The following FSHR variants were observed in gnomAD, a reference collection of about 807,000 sequenced individuals.
FSHR encodes the protein follicle-stimulating hormone receptor.
Under a neutral mutation model 52.1 loss-of-function variants are expected in FSHR, and 46 were observed. That is an observed-to-expected ratio of 0.88 (90% CI 0.70 to 1.13). FSHR has a LOEUF of 1.13. Among genes scored for constraint, FSHR ranks in the 50% most tolerant of loss-of-function variants. The pLI, the probability that FSHR is intolerant of heterozygous loss-of-function variation, is 0.00. For missense variants in FSHR, 964 were observed against 834.6 expected, an observed-to-expected ratio of 1.16 and a Z score of -1.91; for synonymous variants, 399 against 309.6, an observed-to-expected ratio of 1.29 and a Z score of -3.03.
chr2:48,987,501 C>G (rs1443609219), intron 6 of FSHR, among the ~76,000 whole-genome samples: 1 of 152,074 alleles, frequency 6.6e-6, no homozygotes, highest in African/African-American at 2.4e-5. Flanking sequence ...TGAGCCACCA[C>G]GCCCACCTGA....
chr2:49,143,574 T>G (rs1362010538), intron 1 of FSHR, among the ~76,000 whole-genome samples: 1 of 152,138 alleles, frequency 6.6e-6, no homozygotes. Context: ...AAACAACTAT[T>G]TGTTTCCTCC....
intron 1 of FSHR, among the ~76,000 whole-genome samples, chr2:49,142,014 T>A (rs1256910431): frequency 1.3e-5 from 2 of 152,232 alleles, no homozygotes; most frequent in Non-Finnish European, 2.9e-5. Flanking sequence ...ATAGGTGGCA[T>A]GCAGCATAGT....
chr2:49,095,783 C>T (rs142049656), intron 1 of FSHR, among the ~76,000 whole-genome samples: 2 of 152,182 alleles, frequency 1.3e-5, no homozygotes, highest in East Asian at 3.9e-4. Flanking sequence ...AAAGGGACAA[C>T]CCAGTTTTAA....
intron 2 of FSHR, among the ~76,000 whole-genome samples, chr2:49,032,126 C>A (rs1024621143): frequency 6.6e-6 from 1 of 152,154 alleles, no homozygotes; most frequent in Non-Finnish European, 1.5e-5. Flanking sequence ...GGGAAAGAAA[C>A]CCCATTCCAA....
At chr2:49,037,953 A>T (rs996222962) in intron 2 of FSHR, among the ~76,000 whole-genome samples, 2 of 152,262 alleles carry the variant, frequency 1.3e-5, no homozygotes, top group Admixed American at 6.5e-5. Flanking sequence ...AAAAATCCAC[A>T]CTCAATAGTG....
intron 2 of FSHR, among the ~76,000 whole-genome samples, chr2:49,023,497 C>T (rs1667813126): frequency 6.6e-6 from 1 of 152,172 alleles, no homozygotes. Flanking sequence ...CAGGTGACAG[C>T]CCAGCCTAGC....
intron 1 of FSHR, among the ~76,000 whole-genome samples, chr2:49,144,055 G>T (rs1461043475): frequency 6.6e-6 from 1 of 152,082 alleles, no homozygotes; most frequent in South Asian, 2.1e-4. Flanking sequence ...ATAAAATAGG[G>T]AGTTTTTGGA....
intron 2 of FSHR, among the ~76,000 whole-genome samples, chr2:49,055,288 A>G (rs536007844): frequency 6.6e-6 from 1 of 151,718 alleles, no homozygotes; most frequent in Admixed American, 6.6e-5. Context: ...CAAGCAGAAG[A>G]AAAAATACCT....
chr2:49,123,386 C>T (rs761431690), intron 1 of FSHR, among the ~76,000 whole-genome samples: 18 of 151,964 alleles, frequency 1.2e-4, no homozygotes, highest in Non-Finnish European at 2.2e-4. Flanking sequence ...ACTAGGGAGG[C>T]TGAGGTAGGA....
chr2:49,076,324 C>T (rs1262146477), intron 1 of FSHR, among the ~76,000 whole-genome samples: 1 of 152,182 alleles, frequency 6.6e-6, no homozygotes, highest in Admixed American at 6.5e-5. Context: ...AAGTCATGTT[C>T]TACATGGATG....
intron 1 of FSHR, among the ~76,000 whole-genome samples, chr2:49,139,885 A>G (rs894818309): frequency 1.3e-5 from 2 of 152,172 alleles, no homozygotes; most frequent in African/African-American, 4.8e-5. Context: ...GGCGTGAGCC[A>G]CCGCACCCAG....
At chr2:49,089,373 T>C (rs1572729152) in intron 1 of FSHR, among the ~76,000 whole-genome samples, 1 of 152,238 alleles carries the variant, frequency 6.6e-6, no homozygotes, top group African/African-American at 2.4e-5. Flanking sequence ...TAAAATAATA[T>C]CAAGGATACA....
rs148206404 is a variant in FSHR at position 49,116,506 on chromosome 2, G to C, written c.152+37760C>G. ...CCCCTGTAAAATGAGAATAAAAATA[G>C]GACTTCCTAATAAAGCTGTTGTGAG... On this transcript the variant is annotated intron_variant, in intron 1 of 9. Coordinates refer to ENST00000406846, the MANE Select transcript of FSHR (RefSeq NM_000145.4). Among the ~76,000 whole-genome samples, 835 of 152,228 alleles carry C rather than the reference G, an allele frequency of 5.5e-3. 1 individual carries two copies. The highest frequency in any genetic ancestry group is 8.2e-3 in the Non-Finnish European group (557 of 68,020).
intron 1 of FSHR, among the ~76,000 whole-genome samples, chr2:49,113,834 A>AACTTCT (rs1671509913): frequency 6.6e-6 from 1 of 152,042 alleles, no homozygotes; most frequent in Admixed American, 6.6e-5. Flanking sequence ...GTTGGCAGTA[A>AACTTCT]ACTCTCCCCC....
chr2:49,026,285 A>G (rs896700647), intron 2 of FSHR, among the ~76,000 whole-genome samples: 6 of 152,250 alleles, frequency 3.9e-5, no homozygotes. Context: ...GTAATCTAAA[A>G]TTTGACATAA....
At chr2:49,097,089 A>G (rs1377002618) in intron 1 of FSHR, among the ~76,000 whole-genome samples, 1 of 152,244 alleles carries the variant, frequency 6.6e-6, no homozygotes, top group Non-Finnish European at 1.5e-5. Flanking sequence ...CAATGCAAGA[A>G]TGACCTAATT....
At chr2:48,983,394 T>C (rs1426751080) in intron 6 of FSHR, among the ~76,000 whole-genome samples, 3 of 152,216 alleles carry the variant, frequency 2.0e-5, no homozygotes, top group Non-Finnish European at 4.4e-5. Flanking sequence ...ATTCAAAGGA[T>C]TAAATGAAAT....
chr2:48,966,320 T>A (rs1484520004), intron 9 of FSHR, among the ~76,000 whole-genome samples: 1 of 152,110 alleles, frequency 6.6e-6, no homozygotes, highest in African/African-American at 2.4e-5. Context: ...TGTGAAGAAA[T>A]GGCCTTCACA....
At chr2:49,153,908 A>T (rs1673150227) in intron 1 of FSHR, among the ~76,000 whole-genome samples, 1 of 152,092 alleles carries the variant, frequency 6.6e-6, no homozygotes, top group Non-Finnish European at 1.5e-5. Flanking sequence ...TTCTGCCTCC[A>T]ATTCTGGGTC....
Sources: allele counts gnomAD v4.1 joint callset (sites outside exome capture counted in the v4.1 genomes callset), GRCh38; gene constraint gnomAD v4.1.1; transcripts MANE v1.5; gene names NCBI Gene and HGNC (gene_info 2026-07-23, HGNC 2026-07-21).